Variants in PLXNA2 observed in about 807,000 individuals in gnomAD.
The protein encoded by PLXNA2 is plexin-A2.
In PLXNA2, 91 loss-of-function variants were observed where a neutral mutation model predicts 193.5. The ratio of observed to expected loss-of-function variants is 0.47; its 90% CI spans 0.40 to 0.56. The LOEUF (loss-of-function observed/expected upper bound fraction) is 0.56. Ranked by LOEUF, PLXNA2 falls within the 20% of genes least tolerant of loss-of-function variation. The pLI is 0.00. For missense variants in PLXNA2, 1,995 were observed against 2,503.2 expected (o/e 0.80, Z 4.33); for synonymous variants, 997 against 1,027.3 (o/e 0.97, Z 0.56).
rs559841715 is a variant in PLXNA2, at chr1:208,197,434, G to A, written c.1371+12846C>T. Reference sequence around the variant, plus strand: ...TTGCCGGAAGAGACCGGGTTTCCCCGTGACTAAATATGCTGCAAATTTACC... The same window carrying A: ...TTGCCGGAAGAGACCGGGTTTCCCCATGACTAAATATGCTGCAAATTTACC... On this transcript the variant is annotated intron_variant, in intron 3 of 31. Transcript: ENST00000367033. Among the ~76,000 whole-genome samples the A allele has an allele frequency of 7.9e-5, 12 of 152,342 alleles. 1 individual carries two copies. The highest frequency in any genetic ancestry group is 2.4e-4 in the African/African-American group (10 of 41,574).
rs549983506 is a variant in PLXNA2, at chr1:208,044,244, G to A, written c.3874+264C>T. Among the ~76,000 whole-genome samples, 1 of 152,368 alleles carries A rather than the reference G, an allele frequency of 6.6e-6. No individual in the cohort carries two copies. The highest frequency in any genetic ancestry group is 2.4e-5 in the African/African-American group (1 of 41,588). On this transcript the variant is annotated intron_variant, in intron 20 of 31. Coordinates refer to ENST00000367033, the MANE Select transcript of PLXNA2 (RefSeq NM_025179.4). The surrounding 1 kb of genome is among the most constrained non-coding windows in gnomAD (Gnocchi z 4.9). ...ATTGAGGCCCTGAGAGGGAGAAAGT[G>A]TTTGCCAGATTGTGGGATGGGTCAG...
chr1:208,119,256 G>T (rs1348200579), intron 4 of PLXNA2, among the ~76,000 whole-genome samples: 1 of 152,196 alleles, frequency 6.6e-6, no homozygotes, highest in Non-Finnish European at 1.5e-5. Flanking sequence ...CCAGGAAGAA[G>T]TGGCAGGAGA....
chr1:208,115,393 T>G (rs1667604363), intron 4 of PLXNA2, among the ~76,000 whole-genome samples: 1 of 152,182 alleles, frequency 6.6e-6, no homozygotes, highest in Non-Finnish European at 1.5e-5. Context: ...GCTATATATA[T>G]AAGTTGTATA....
At chr1:208,101,455 C>T (rs1338736956) in intron 5 of PLXNA2, among the ~76,000 whole-genome samples, 1 of 152,158 alleles carries the variant, frequency 6.6e-6, no homozygotes, top group Non-Finnish European at 1.5e-5. Flanking sequence ...AAATCTTGTT[C>T]TCCGCGAGCT....
At chr1:208,160,550 TC>T (rs1286636952) in intron 3 of PLXNA2, among the ~76,000 whole-genome samples, 2 of 152,236 alleles carry the variant, frequency 1.3e-5, no homozygotes, top group African/African-American at 4.8e-5. Flanking sequence ...GTCATCTCAT[TC>T]AATCTGCCCA....
At chr1:208,029,920 T>C in intron 29 of PLXNA2, 2 of 985,526 alleles carry the variant, frequency 2.0e-6, no homozygotes, top group Non-Finnish European at 2.4e-6. Context: ...GACTCCTCTG[T>C]GGAACCGGTC....
rs1664763353 is a variant in PLXNA2, at chr1:208,038,888, G to T, written c.4597C>A (p.Leu1533Ile). Residue 1533 changes from leucine (L) to isoleucine (I), a missense_variant, in exon 25 of 32, where the codon CTT becomes ATT. Transcript: ENST00000367033. This position sits in a 1 kb window ranked among gnomAD's most constrained non-coding sequence, Gnocchi z 4.1. ...GGCACATTCTTATACACGGCATCAA[G>T]AATCTTCTCCTTGACCTGTGTGATG... ...DTITQVKEKI[L>I]DAVYKNVPYS... is the part of the protein sequence containing the mutation. 1 of 1,613,960 alleles carries T rather than the reference G, an allele frequency of 6.2e-7. No individual in the cohort carries two copies. The highest frequency in any genetic ancestry group is 1.7e-5 in the Admixed American group (1 of 60,006).
chr1:208,087,581 CTCAGG>C (rs1362150410), intron 9 of PLXNA2, among the ~76,000 whole-genome samples: 1 of 152,114 alleles, frequency 6.6e-6, no homozygotes, highest in Non-Finnish European at 1.5e-5. Flanking sequence ...GGCAATTGCT[CTCAGG>C]TCAGACAGAA....
intron 29 of PLXNA2, chr1:208,030,058 G>C: frequency 2.0e-6 from 2 of 985,456 alleles, no homozygotes; most frequent in Non-Finnish European, 2.4e-6. Flanking sequence ...AGTAGTGCCA[G>C]GTCTTGGGGA....
chr1:208,223,344 G>A (rs1311388122), intron 1 of PLXNA2, among the ~76,000 whole-genome samples: 3 of 151,904 alleles, frequency 2.0e-5, no homozygotes, highest in Non-Finnish European at 4.4e-5. Context: ...CAGACCTCAT[G>A]ACAAAAAGGC....
At position 208,044,925 on chromosome 1, in the gene PLXNA2, C is replaced by G; in HGVS notation, c.3639+142G>C. 1 of 1,138,850 alleles carries G rather than the reference C, an allele frequency of 8.8e-7. No homozygotes were observed. Among genetic ancestry groups the G allele is most frequent in the Non-Finnish European group, 1.3e-6 (1 of 778,622 alleles). 70.5% of individuals were successfully genotyped at this position (1,138,850 alleles called of 1,614,324 possible). On this transcript the variant is annotated intron_variant, in intron 19 of 31. Coordinates refer to ENST00000367033, the MANE Select transcript of PLXNA2 (RefSeq NM_025179.4). The surrounding 1 kb of genome is among the most constrained non-coding windows in gnomAD (Gnocchi z 4.9). ...CTTTTCTTGTGTTCTCAGCTTATAC[C>G]CAATTTGATGTAGGACCCAGAGATG... is the stretch of plus-strand genomic sequence containing the variant.
intron 5 of PLXNA2, among the ~76,000 whole-genome samples, chr1:208,102,770 C>T (rs1443849600): frequency 6.6e-6 from 1 of 152,226 alleles, no homozygotes; most frequent in Non-Finnish European, 1.5e-5. Flanking sequence ...GCCAGTGCAC[C>T]ACCATCTGCA....
chr1:208,187,692 C>T (rs374884456), intron 3 of PLXNA2, among the ~76,000 whole-genome samples: 1 of 152,140 alleles, frequency 6.6e-6, no homozygotes, highest in Non-Finnish European at 1.5e-5. Flanking sequence ...GCACAATGAC[C>T]AGGATCTTGT....
In PLXNA2 at chr1:208,142,371, G is replaced by A; in HGVS notation, c.1464C>T (p.Phe488=). The A allele has an allele frequency of 6.2e-7, 1 of 1,613,930 alleles. No individual in the cohort carries two copies. Among genetic ancestry groups the A allele is most frequent in the Non-Finnish European group, 8.5e-7 (1 of 1,179,894 alleles). Residue 488 remains phenylalanine, a synonymous_variant, in exon 4 of 32, where the codon TTC becomes TTT. Transcript: ENST00000367033. ...DGSPILRDMA[F]SIDQRYLYVM... ...CGTACAGGTAGCGCTGATCAATGGA[G>A]AAGGCCATGTCCCGGAGGATGGGGC... is the stretch of plus-strand genomic sequence containing the variant.
At chr1:208,150,957 C>T (rs1044705497) in intron 3 of PLXNA2, among the ~76,000 whole-genome samples, 6 of 152,190 alleles carry the variant, frequency 3.9e-5, no homozygotes, top group Non-Finnish European at 7.3e-5. Context: ...TTCAGGAACA[C>T]GGGGCTCAGG....
intron 14 of PLXNA2, 92 bp from the exon 15 acceptor site, chr1:208,052,555 A>C (rs889468909): frequency 8.3e-6 from 11 of 1,318,414 alleles, no homozygotes; most frequent in Non-Finnish European, 9.6e-6. Flanking sequence ...GATTGTTTTC[A>C]TTCTGGGCGT....
At chr1:208,033,643 A>C in intron 27 of PLXNA2, 134 bp from the exon 28 acceptor site, 1 of 638,538 alleles carries the variant, frequency 1.6e-6, no homozygotes, top group Admixed American at 3.2e-5. Flanking sequence ...GACCGTTGGG[A>C]CCTCATATAT....
intron 4 of PLXNA2, among the ~76,000 whole-genome samples, chr1:208,137,543 T>C (rs1197744991): frequency 6.6e-6 from 1 of 152,198 alleles, no homozygotes; most frequent in Non-Finnish European, 1.5e-5. Flanking sequence ...CTTGTATGCA[T>C]GCCCATAACA....
chr1:208,050,966 A>G (rs758320142), intron 17 of PLXNA2, 43 bp downstream of exon 17: 1 of 1,376,852 alleles, frequency 7.3e-7, no homozygotes, highest in Non-Finnish European at 1.0e-6. Flanking sequence ...ATCAACACAG[A>G]GCTGTGTTTA....
Sources: allele counts gnomAD v4.1 joint callset (sites outside exome capture counted in the v4.1 genomes callset), GRCh38; gene constraint gnomAD v4.1.1; non-coding constraint Gnocchi (gnomAD v3.1); transcripts MANE v1.5; gene names NCBI Gene and HGNC (gene_info 2026-07-23, HGNC 2026-07-21).